MLLT3: variants seen among roughly 807,000 people sequenced by gnomAD.
The protein encoded by MLLT3 is MLLT3 super elongation complex subunit.
Under a neutral mutation model 53.2 loss-of-function variants are expected in MLLT3, and 4 were observed. The ratio of observed to expected loss-of-function variants is 0.08; its 90% CI spans 0.04 to 0.17. MLLT3 has a LOEUF of 0.17. Among genes scored for constraint, MLLT3 ranks in the 10% least tolerant of loss-of-function variants. The probability of loss-of-function intolerance (pLI) is 1.00; values close to 1 mark genes in which losing one functional copy is unlikely to be tolerated. For synonymous variants in MLLT3, 283 were observed against 230.6 expected, an observed-to-expected ratio of 1.23 and a Z score of -2.06; for missense variants, 569 against 684.0, an observed-to-expected ratio of 0.83 and a Z score of 1.87.
intron 2 of MLLT3, among the ~76,000 whole-genome samples, chr9:20,479,151 CCTTTA>C (rs1824600519): frequency 6.6e-6 from 1 of 152,074 alleles, no homozygotes; most frequent in Non-Finnish European, 1.5e-5. Flanking sequence ...AAAATGGTTT[CCTTTA>C]CAAGTTTAAA....
intron 2 of MLLT3, among the ~76,000 whole-genome samples, chr9:20,560,797 AT>A (rs1296884879): frequency 1.3e-5 from 2 of 151,972 alleles, no homozygotes; most frequent in African/African-American, 4.8e-5. Context: ...TTGATACATA[AT>A]ATTTTACATA....
At chr9:20,536,762 TA>T (rs761951837) in intron 2 of MLLT3, among the ~76,000 whole-genome samples, 9 of 151,216 alleles carry the variant, frequency 6.0e-5, no homozygotes, top group Non-Finnish European at 1.2e-4. Context: ...CTTTTAAAAA[TA>T]CAAAATTACT....
At chr9:20,371,373 G>A (rs1281537379) in intron 5 of MLLT3, among the ~76,000 whole-genome samples, 1 of 152,242 alleles carries the variant, frequency 6.6e-6, no homozygotes, top group East Asian at 1.9e-4. Context: ...AGCTTTCATA[G>A]CTAGAGAGAA....
intron 5 of MLLT3, among the ~76,000 whole-genome samples, chr9:20,407,412 C>G (rs1822610275): frequency 6.6e-6 from 1 of 152,176 alleles, no homozygotes; most frequent in African/African-American, 2.4e-5. Flanking sequence ...TTTCACAGCT[C>G]TTCCCTCAAT....
At position 20,542,033 on chromosome 9, in the gene MLLT3, C is replaced by A. The variant is rs1026590967; in HGVS notation, c.193+78621G>T. Among the ~76,000 whole-genome samples, 2 of 152,244 alleles carry A rather than the reference C, an allele frequency of 1.3e-5. 1 individual carries two copies. The highest frequency in any genetic ancestry group is 2.9e-5 in the Non-Finnish European group (2 of 68,018). ...GGTTTTCAATTTACTTTACCCAGTT[C>A]TATCAGAAGAATCACTATCTATGGC... On this transcript the variant is annotated intron_variant, in intron 2 of 10. Coordinates refer to ENST00000380338, the MANE Select transcript of MLLT3 (RefSeq NM_004529.4).
intron 2 of MLLT3, among the ~76,000 whole-genome samples, chr9:20,492,917 G>C (rs574934593): frequency 6.6e-6 from 1 of 152,040 alleles, no homozygotes; most frequent in East Asian, 1.9e-4. Context: ...GTTTAGAGTT[G>C]TTTAGGATAG....
chr9:20,370,355 A>C (rs1485638321), intron 5 of MLLT3, among the ~76,000 whole-genome samples: 1 of 152,094 alleles, frequency 6.6e-6, no homozygotes, highest in African/African-American at 2.4e-5. Flanking sequence ...AAACTTAATC[A>C]ATGTTGTGTA....
At chr9:20,522,250 A>T (rs1818080577) in intron 2 of MLLT3, among the ~76,000 whole-genome samples, 1 of 151,122 alleles carries the variant, frequency 6.6e-6, no homozygotes, top group Non-Finnish European at 1.5e-5. Context: ...CAAATAAGAC[A>T]GCCAAAGTCA....
chr9:20,529,214 C>A (rs1818269685), intron 2 of MLLT3, among the ~76,000 whole-genome samples: 1 of 152,098 alleles, frequency 6.6e-6, no homozygotes, highest in Non-Finnish European at 1.5e-5. Flanking sequence ...AAATGTGCAA[C>A]CAGGTTTGAA....
At chr9:20,616,589 A>G (rs1384154710) in intron 2 of MLLT3, among the ~76,000 whole-genome samples, 1 of 152,178 alleles carries the variant, frequency 6.6e-6, no homozygotes, top group African/African-American at 2.4e-5. Context: ...AAATTTACTT[A>G]TTTACAGACA....
chr9:20,397,832 A>G (rs569060760), intron 5 of MLLT3, among the ~76,000 whole-genome samples: 1 of 152,208 alleles, frequency 6.6e-6, no homozygotes, highest in East Asian at 1.9e-4. Context: ...CATAGATGTA[A>G]TGGCTCTTTT....
At chr9:20,478,822 T>A (rs1389894210) in intron 2 of MLLT3, among the ~76,000 whole-genome samples, 1 of 151,926 alleles carries the variant, frequency 6.6e-6, no homozygotes, top group African/African-American at 2.4e-5. Flanking sequence ...AGAAATCACC[T>A]GGAGGGAAGG....
chr9:20,346,614 C>A, intron 10 of MLLT3, 40 bp from the exon 11 acceptor site: 2 of 1,597,294 alleles, frequency 1.3e-6, no homozygotes, highest in Non-Finnish European at 8.5e-7. Context: ...CAATACGCAG[C>A]AAACATCAAA....
At chr9:20,351,369 C>T (rs1394097306) in intron 10 of MLLT3, among the ~76,000 whole-genome samples, 1 of 152,208 alleles carries the variant, frequency 6.6e-6, no homozygotes, top group Non-Finnish European at 1.5e-5. Flanking sequence ...GGGGAGGTTA[C>T]ATATGTTCAA....
At chr9:20,423,764 T>C (rs531335981) in intron 4 of MLLT3, among the ~76,000 whole-genome samples, 1 of 151,322 alleles carries the variant, frequency 6.6e-6, no homozygotes, top group African/African-American at 2.4e-5. Flanking sequence ...CTGGGCAATA[T>C]AGTGAGACTT....
At chr9:20,564,210 T>C (rs967196694) in intron 2 of MLLT3, among the ~76,000 whole-genome samples, 4 of 152,234 alleles carry the variant, frequency 2.6e-5, no homozygotes, top group East Asian at 1.9e-4. Context: ...AGTTACTCAG[T>C]GTAAAATGTA....
intron 2 of MLLT3, among the ~76,000 whole-genome samples, chr9:20,529,278 T>C (rs1818271496): frequency 1.3e-5 from 2 of 152,222 alleles, no homozygotes; most frequent in African/African-American, 2.4e-5. Flanking sequence ...AATTATACAG[T>C]AAACTGTTTT....
At chr9:20,350,990 G>T (rs1337007670) in intron 10 of MLLT3, among the ~76,000 whole-genome samples, 1 of 152,124 alleles carries the variant, frequency 6.6e-6, no homozygotes, top group Non-Finnish European at 1.5e-5. Context: ...GGATAACATA[G>T]GTCTTCCCAT....
At chr9:20,435,724 A>C (rs572441044) in intron 4 of MLLT3, among the ~76,000 whole-genome samples, 2 of 152,294 alleles carry the variant, frequency 1.3e-5, no homozygotes, top group East Asian at 3.9e-4. Flanking sequence ...CTTGATTTTC[A>C]GAAGCAAAAG....
Sources: gnomAD v4.1 joint callset for allele counts (sites outside exome capture counted in the v4.1 genomes callset) on GRCh38, gnomAD v4.1.1 for gene constraint, MANE v1.5 for transcripts, NCBI Gene and HGNC (gene_info 2026-07-23, HGNC 2026-07-21) for gene names.